Variants in PRKN observed in about 807,000 individuals in gnomAD.
The protein encoded by PRKN is parkin RBR E3 ubiquitin protein ligase, also known as E3 ubiquitin-protein ligase parkin.
PRKN carries 56 observed loss-of-function variants against 59.5 expected under a neutral mutation model. The ratio of observed to expected loss-of-function variants is 0.94; its 90% CI spans 0.76 to 1.18. The LOEUF is 1.18. PRKN is among the 50% of genes most tolerant of loss of function. The pLI is 0.00. For synonymous variants in PRKN, 250 were observed against 222.1 expected, an observed-to-expected ratio of 1.13 and a Z score of -1.12; for missense variants, 657 against 596.4, an observed-to-expected ratio of 1.10 and a Z score of -1.06.
chr6:161,741,354 A>G (rs943346102), intron 7 of PRKN, among the ~76,000 whole-genome samples: 4 of 152,222 alleles, frequency 2.6e-5, no homozygotes, highest in Non-Finnish European at 4.4e-5. Context: ...AAGAGTAACA[A>G]GACACTCGAT....
intron 1 of PRKN, among the ~76,000 whole-genome samples, chr6:162,638,242 C>T (rs1038830660): frequency 7.4e-6 from 1 of 135,714 alleles, no homozygotes; most frequent in African/African-American, 3.0e-5. Flanking sequence ...TTATGAAGCA[C>T]AAAATGCCTC....
chr6:162,625,859 A>G (rs57639705), intron 1 of PRKN, among the ~76,000 whole-genome samples: 3,072 of 152,320 alleles, frequency 0.02, 106 homozygotes, highest in African/African-American at 0.069. Flanking sequence ...AAAGTAAGAC[A>G]AATAAACAAA....
chr6:162,659,845 A>G (rs1001160675), intron 1 of PRKN, among the ~76,000 whole-genome samples: 3 of 152,186 alleles, frequency 2.0e-5, no homozygotes, highest in African/African-American at 7.2e-5. Context: ...TTTATTAGAT[A>G]AAAGTGAGGA....
intron 4 of PRKN, among the ~76,000 whole-genome samples, chr6:162,144,412 T>TA (rs903919585): frequency 8.5e-5 from 13 of 152,188 alleles, no homozygotes; most frequent in African/African-American, 3.1e-4. Context: ...AATGAATTCT[T>TA]ATAATACCCT....
chr6:161,704,126 G>T (rs1250328140), intron 7 of PRKN, among the ~76,000 whole-genome samples: 1 of 152,114 alleles, frequency 6.6e-6, no homozygotes, highest in Non-Finnish European at 1.5e-5. Context: ...AAAGTGCTGG[G>T]ATTGCAGGTG....
rs559426162 is a variant in PRKN, at chr6:162,473,045, G to A, written c.8-29572C>T. ...ACTCAGGTCCTTCAAAGAAAACATG[G>A]TTAAACCTATTCTCTCCCCTTCATA... On this transcript the variant is annotated intron_variant, in intron 1 of 11. Coordinates refer to ENST00000366898, the MANE Select transcript of PRKN (RefSeq NM_004562.3). Among the ~76,000 whole-genome samples, 6 of 151,954 alleles carry A rather than the reference G, an allele frequency of 3.9e-5. No homozygotes were observed. The South Asian group carries it at 1.0e-3, about 26-fold the overall frequency.
chr6:162,458,353 G>C (rs536673869), intron 1 of PRKN, among the ~76,000 whole-genome samples: 22 of 149,752 alleles, frequency 1.5e-4, no homozygotes, highest in Non-Finnish European at 5.9e-5. Flanking sequence ...TTGAACCCAG[G>C]AAGCAGAGGT....
At position 161,350,123 on chromosome 6, in the gene PRKN, C is replaced by A. The variant is rs757263675; in HGVS notation, c.1374G>T (p.Met458Ile). ...NCGCEWNRVC[M>I]GDHWFDV ...GCTACACGTCGAACCAGTGGTCCCC[C>A]ATGCAGACGCGGTTCCACTCGCAGC... The change falls in exon 12 of 12, where the codon ATG becomes ATT. Residue 458 changes from methionine to isoleucine, a missense_variant. Coordinates refer to ENST00000366898, the MANE Select transcript of PRKN (RefSeq NM_004562.3). 1.2e-6 allele frequency: 2 copies of A among 1,613,406 alleles called. No individual in the cohort carries two copies. Among genetic ancestry groups the A allele is most frequent in the African/African-American group, 1.3e-5 (1 of 74,918 alleles).
At position 161,444,298 on chromosome 6, in the gene PRKN, G is replaced by T. The variant is rs1036873632; in HGVS notation, c.1084-57421C>A. Among the ~76,000 whole-genome samples the T allele has an allele frequency of 6.6e-6, 1 of 152,174 alleles. No individual in the cohort carries two copies. Among genetic ancestry groups the T allele is most frequent in the Non-Finnish European group, 1.5e-5 (1 of 68,036 alleles). Reference sequence around the variant, plus strand: ...AACTTGTCTTTCCTATTTAGCAAACGATTGAGATTCTCTTCCTTAAAGACA... The same window carrying T: ...AACTTGTCTTTCCTATTTAGCAAACTATTGAGATTCTCTTCCTTAAAGACA... On this transcript the variant is annotated intron_variant, in intron 9 of 11. Transcript: ENST00000366898. This position sits in a 1 kb window ranked among gnomAD's most constrained non-coding sequence, Gnocchi z 5.6.
chr6:162,491,584 G>A (rs1198936597), intron 1 of PRKN, among the ~76,000 whole-genome samples: 4 of 152,176 alleles, frequency 2.6e-5, no homozygotes, highest in East Asian at 1.9e-4. Flanking sequence ...CTGCCAGCTC[G>A]TGGGACGCCC....
intron 2 of PRKN, among the ~76,000 whole-genome samples, chr6:162,290,582 T>C (rs759953107): frequency 6.6e-5 from 10 of 152,218 alleles, no homozygotes; most frequent in Non-Finnish European, 1.3e-4. Flanking sequence ...AATTGCCTCA[T>C]GTATATTTCT....
chr6:162,329,108 GCTAA>G (rs1277851364), intron 2 of PRKN, among the ~76,000 whole-genome samples: 14 of 152,124 alleles, frequency 9.2e-5, no homozygotes, highest in South Asian at 2.1e-4. Flanking sequence ...AAATATAATG[GCTAA>G]CTCTTTTATT....
chr6:162,342,760 C>T (rs572967624), intron 2 of PRKN, among the ~76,000 whole-genome samples: 1 of 152,124 alleles, frequency 6.6e-6, no homozygotes, highest in Non-Finnish European at 1.5e-5. Context: ...GATTTTCCTC[C>T]TTGTCAAGCC....
chr6:162,720,182 T>A (rs148006151), intron 1 of PRKN, among the ~76,000 whole-genome samples: 1 of 152,110 alleles, frequency 6.6e-6, no homozygotes. Flanking sequence ...AAATAAATAA[T>A]AAAAAGTCTC....
At chr6:161,897,820 T>TA (rs1777696444) in intron 6 of PRKN, among the ~76,000 whole-genome samples, 1 of 94,772 alleles carries the variant, frequency 1.1e-5, no homozygotes, top group Non-Finnish European at 1.9e-5. Flanking sequence ...ATACAAAAAG[T>TA]TCCGGGCGTA....
At position 161,545,065 on chromosome 6, in the gene PRKN, A is replaced by G. The variant is rs1418652723; in HGVS notation, c.1083+3789T>C. 3.7e-6 allele frequency: 3 copies of G among 804,110 alleles called. No individual in the cohort carries two copies. The highest frequency in any genetic ancestry group is 1.8e-5 in the African/African-American group (1 of 54,972). 49.8% of individuals were successfully genotyped at this position (804,110 alleles called of 1,614,324 possible). On this transcript the variant is annotated intron_variant, in intron 9 of 11. Transcript: ENST00000366898. This position sits in a 1 kb window ranked among gnomAD's most constrained non-coding sequence, Gnocchi z 4.1. ...TCCTCTGGAGCCCAGAGCTCAACAC[A>G]TGGGTGTCTAGCTCCGAACAATTTT... is the stretch of plus-strand genomic sequence containing the variant.
intron 5 of PRKN, among the ~76,000 whole-genome samples, chr6:162,010,303 TTATA>T (rs1159897344): frequency 8.1e-6 from 1 of 124,036 alleles, no homozygotes; most frequent in Non-Finnish European, 1.6e-5. Flanking sequence ...TATATATTTA[TTATA>T]TATATTTTAT....
chr6:161,829,484 C>A (rs531181058), intron 6 of PRKN, among the ~76,000 whole-genome samples: 3 of 152,186 alleles, frequency 2.0e-5, no homozygotes, highest in South Asian at 4.2e-4. Context: ...GTGCTCCCTG[C>A]GGTCTGAGGA....
chr6:161,490,228 T>A (rs1222888265), intron 9 of PRKN, among the ~76,000 whole-genome samples: 1 of 152,166 alleles, frequency 6.6e-6, no homozygotes, highest in Non-Finnish European at 1.5e-5. Flanking sequence ...AGAGCCATCT[T>A]TGGCATGCTC....
Sources: allele counts gnomAD v4.1 joint callset (sites outside exome capture counted in the v4.1 genomes callset), GRCh38; gene constraint gnomAD v4.1.1; non-coding constraint Gnocchi (gnomAD v3.1); transcripts MANE v1.5; gene names NCBI Gene and HGNC (gene_info 2026-07-23, HGNC 2026-07-21).